The following SLC13A4 variants were observed in gnomAD, a reference collection of about 807,000 sequenced individuals.
SLC13A4 encodes the protein solute carrier family 13 member 4, also known as Na(+)/sulfate cotransporter SUT-1.
Under a neutral mutation model 72.7 loss-of-function variants are expected in SLC13A4, and 28 were observed. The ratio of observed to expected loss-of-function variants is 0.39; its 90% CI spans 0.29 to 0.53. The LOEUF is 0.53. Among genes scored for constraint, SLC13A4 ranks in the 20% least tolerant of loss-of-function variants. The pLI is 0.78. For synonymous variants in SLC13A4, 312 were observed against 325.5 expected, an observed-to-expected ratio of 0.96 and a Z score of 0.45; for missense variants, 653 against 788.0, an observed-to-expected ratio of 0.83 and a Z score of 2.05.
intron 2 of SLC13A4, among the ~76,000 whole-genome samples, chr7:135,715,260 TG>T: frequency 6.6e-6 from 1 of 151,724 alleles, no homozygotes; most frequent in Non-Finnish European, 1.5e-5. Flanking sequence ...TGTATGAGTG[TG>T]GGCATGTGTA....
chr7:135,725,517 T>C (rs1206521750), intron 1 of SLC13A4, among the ~76,000 whole-genome samples: 1 of 152,096 alleles, frequency 6.6e-6, no homozygotes, highest in Non-Finnish European at 1.5e-5. Context: ...AGGGGGAAGG[T>C]CATTTTGACT....
chr7:135,693,842 A>T (rs1795844974), intron 10 of SLC13A4, among the ~76,000 whole-genome samples: 2 of 152,210 alleles, frequency 1.3e-5, no homozygotes. Context: ...ACATTTTCCA[A>T]GAGGGTGGCT....
chr7:135,722,626 T>C (rs7807380), intron 1 of SLC13A4, among the ~76,000 whole-genome samples: 70,724 of 151,690 alleles, frequency 0.47, 16,682 homozygotes, highest in African/African-American at 0.51. Context: ...TAAAAATGAA[T>C]AAACAAAGTT....
chr7:135,699,454 G>A lies in SLC13A4; in HGVS notation c.809C>T (p.Ser270Phe). The A allele has an allele frequency of 1.2e-6, 2 of 1,613,420 alleles. No homozygotes were observed. Among genetic ancestry groups the A allele is most frequent in the Non-Finnish European group, 1.7e-6 (2 of 1,179,702 alleles). The change falls in exon 8 of 16, where the codon TCC (serine) becomes TTC (phenylalanine). Residue 270 changes from serine (S) to phenylalanine (F), a missense_variant. Ser to Phe is a radical substitution (Grantham distance 155, BLOSUM62 -2). Transcript: ENST00000682651. The part of the protein sequence containing the change: ...HHDQMICKCL[S>F]LSISYSATIG... ...GGTAGCGGAGTAGGATATGCTCAGG[G>A]AGAGGCACTTGCAGATCATCTGGTC...
intron 2 of SLC13A4, among the ~76,000 whole-genome samples, chr7:135,711,986 T>C (rs1429795060): frequency 7.6e-6 from 1 of 131,826 alleles, no homozygotes; most frequent in African/African-American, 2.8e-5. Flanking sequence ...TTTTTTTTTT[T>C]TTTTTTTTTT....
At chr7:135,698,989 C>T (rs1426941369) in intron 8 of SLC13A4, among the ~76,000 whole-genome samples, 3 of 151,966 alleles carry the variant, frequency 2.0e-5, no homozygotes, top group Non-Finnish European at 4.4e-5. Context: ...CGCTCAGGCT[C>T]GGGTTCAGTG....
intron 2 of SLC13A4, among the ~76,000 whole-genome samples, chr7:135,721,188 G>T (rs1285434051): frequency 6.6e-6 from 1 of 152,244 alleles, no homozygotes; most frequent in East Asian, 1.9e-4. Context: ...TTTTGAGCCA[G>T]TTTGAAGGAG....
At chr7:135,682,421 G>A (rs1423129608) in intron 15 of SLC13A4, among the ~76,000 whole-genome samples, 1 of 152,250 alleles carries the variant, frequency 6.6e-6, no homozygotes, top group African/African-American at 2.4e-5. Context: ...TCTTCCCAAG[G>A]AGTAACCAGG....
intron 2 of SLC13A4, among the ~76,000 whole-genome samples, chr7:135,720,292 T>C (rs1407008820): frequency 6.6e-6 from 1 of 152,178 alleles, no homozygotes; most frequent in Non-Finnish European, 1.5e-5. Flanking sequence ...CTTTGAATTC[T>C]AATAGTTACG....
At chr7:135,701,929 C>A (rs1796045891) in intron 6 of SLC13A4, 169 bp from the exon 7 acceptor site, 1 of 569,300 alleles carries the variant, frequency 1.8e-6, no homozygotes. Context: ...CCAGGCCTGC[C>A]CCGCCCAGCC....
At chr7:135,691,440 G>A (rs1795784871) in intron 12 of SLC13A4, 108 bp downstream of exon 12, 6 of 857,932 alleles carry the variant, frequency 7.0e-6, no homozygotes, top group Admixed American at 2.2e-5. Context: ...GGCGGGGGCC[G>A]GGAGGGGGGT....
chr7:135,701,844 G>T, intron 6 of SLC13A4, 84 bp from the exon 7 acceptor site: 1 of 1,349,784 alleles, frequency 7.4e-7, no homozygotes, highest in Non-Finnish European at 1.0e-6. Flanking sequence ...GTCATCCCAG[G>T]GCCACCCCAT....
At chr7:135,711,778 G>A (rs1462959193) in intron 2 of SLC13A4, among the ~76,000 whole-genome samples, 1 of 151,800 alleles carries the variant, frequency 6.6e-6, no homozygotes, top group Non-Finnish European at 1.5e-5. Flanking sequence ...GTTTTTTTGA[G>A]ACAGAGAGTT....
chr7:135,691,161 C>CAAA (rs10659389), intron 13 of SLC13A4, 40 bp downstream of exon 13: 2,672 of 1,178,626 alleles, frequency 2.3e-3, no homozygotes, highest in South Asian at 3.9e-3. Flanking sequence ...AAGACTGTCT[C>CAAA]AAAAAAAAAA....
At chr7:135,702,075 TAAAA>T in intron 6 of SLC13A4, 1 of 179,426 alleles carries the variant, frequency 5.6e-6, no homozygotes. Context: ...AAAAAGAAAA[TAAAA>T]AAAAAATAAT....
intron 13 of SLC13A4, among the ~76,000 whole-genome samples, chr7:135,689,223 A>G (rs368172313): frequency 1.3e-5 from 2 of 152,164 alleles, no homozygotes; most frequent in East Asian, 3.8e-4. Context: ...TGCCAGGCCA[A>G]TCTTGTCAGA....
intron 2 of SLC13A4, among the ~76,000 whole-genome samples, chr7:135,717,557 C>A (rs904838673): frequency 6.6e-6 from 1 of 152,302 alleles, no homozygotes; most frequent in Non-Finnish European, 1.5e-5. Context: ...GAAACTTCTC[C>A]GGGTCAGGAG....
At chr7:135,710,835 C>T (rs926045168) in intron 2 of SLC13A4, among the ~76,000 whole-genome samples, 1 of 152,118 alleles carries the variant, frequency 6.6e-6, no homozygotes, top group Non-Finnish European at 1.5e-5. Flanking sequence ...GGGGAAAAGC[C>T]CCTGCTTCTG....
At chr7:135,695,326 AG>A (rs756477262) in intron 9 of SLC13A4, 41 bp downstream of exon 9, 4 of 1,611,240 alleles carry the variant, frequency 2.5e-6, no homozygotes, top group African/African-American at 2.7e-5. Flanking sequence ...TTGGATCAAC[AG>A]GGGGGCTTCA....
Sources: allele counts gnomAD v4.1 joint callset (sites outside exome capture counted in the v4.1 genomes callset), GRCh38; gene constraint gnomAD v4.1.1; transcripts MANE v1.5; gene names NCBI Gene and HGNC (gene_info 2026-07-23, HGNC 2026-07-21).